Variants in SHISA9 observed in about 807,000 individuals in gnomAD.
SHISA9 encodes protein shisa-9.
In SHISA9, 13 loss-of-function variants were observed where a neutral mutation model predicts 38.0. That is an observed-to-expected ratio of 0.34 (90% CI 0.22 to 0.54). The LOEUF (loss-of-function observed/expected upper bound fraction) is 0.54. SHISA9 is among the 20% of genes least tolerant of loss of function. The pLI, the probability that SHISA9 is intolerant of heterozygous loss-of-function variation, is 0.91. For synonymous variants in SHISA9, 275 were observed against 242.0 expected (o/e 1.14, Z -1.27); for missense variants, 538 against 575.8 (o/e 0.93, Z 0.67).
intron 2 of SHISA9, among the ~76,000 whole-genome samples, chr16:13,037,093 C>CACACACACAGACAGACAG (rs1567190773): frequency 1.0e-4 from 4 of 38,704 alleles, no homozygotes; most frequent in African/African-American, 2.3e-4. Context: ...CCACACCACA[C>CACACACACAGACAGACAG]ACACACACAC....
chr16:13,059,757 G>A (rs1176568356), intron 2 of SHISA9, among the ~76,000 whole-genome samples: 3 of 152,098 alleles, frequency 2.0e-5, no homozygotes, highest in Admixed American at 6.5e-5. Context: ...GTTAGAATGA[G>A]GTCGTTAGGG....
At chr16:13,053,359 C>T (rs116319122) in intron 2 of SHISA9, among the ~76,000 whole-genome samples, 3,444 of 152,212 alleles carry the variant, frequency 0.023, 134 homozygotes, top group African/African-American at 0.079. Flanking sequence ...CTTTCATTTC[C>T]ATTACCTCCA....
At chr16:13,030,273 G>C (rs1046485664) in intron 2 of SHISA9, among the ~76,000 whole-genome samples, 2 of 152,122 alleles carry the variant, frequency 1.3e-5, no homozygotes, top group Non-Finnish European at 2.9e-5. Context: ...CTGACATGCT[G>C]CTCTCCTGTA....
the SHISA9 span, among the ~76,000 whole-genome samples, chr16:13,288,620 G>T: frequency 6.6e-6 from 1 of 151,904 alleles, no homozygotes; most frequent in Non-Finnish European, 1.5e-5. Flanking sequence ...ATGACAAAAC[G>T]CTGTCTCTAC....
At chr16:13,426,847 G>C in the SHISA9 span, among the ~76,000 whole-genome samples, 1 of 152,240 alleles carries the variant, frequency 6.6e-6, no homozygotes, top group African/African-American at 2.4e-5. Context: ...TCAGCTGCAA[G>C]TATCACCAAG....
chr16:13,419,354 G>A, the SHISA9 span, among the ~76,000 whole-genome samples: 5 of 152,110 alleles, frequency 3.3e-5, no homozygotes, highest in Admixed American at 2.0e-4. Context: ...TTTGGAAGGT[G>A]GTGCAATTAA....
the SHISA9 span, among the ~76,000 whole-genome samples, chr16:13,343,959 A>G: frequency 1.3e-5 from 2 of 152,288 alleles, no homozygotes; most frequent in Middle Eastern, 3.4e-3. Context: ...AAAATTAATC[A>G]TTGTTGTTAT....
At chr16:13,309,878 C>CTATTTATT in the SHISA9 span, among the ~76,000 whole-genome samples, 2,651 of 151,262 alleles carry the variant, frequency 0.018, 30 homozygotes, top group Non-Finnish European at 0.028. Context: ...ATTTACTTAT[C>CTATTTATT]TATTTATTTA....
the SHISA9 span, among the ~76,000 whole-genome samples, chr16:13,468,321 G>T: frequency 1.3e-5 from 2 of 152,178 alleles, no homozygotes; most frequent in African/African-American, 4.8e-5. Context: ...GAGGGGCAGG[G>T]AGATGAGGTT....
chr16:13,537,708 A>G, the SHISA9 span, among the ~76,000 whole-genome samples: 6 of 152,344 alleles, frequency 3.9e-5, no homozygotes, highest in Non-Finnish European at 8.8e-5. Flanking sequence ...CAAAATTCAT[A>G]AAACTATGCA....
chr16:13,327,767 G>A, the SHISA9 span, among the ~76,000 whole-genome samples: 3 of 151,638 alleles, frequency 2.0e-5, no homozygotes, highest in Non-Finnish European at 2.9e-5. Flanking sequence ...AGTGATTCTC[G>A]TGCCTCAGCC....
the SHISA9 span, among the ~76,000 whole-genome samples, chr16:13,266,490 AGCTAGCTTTGATGAGGG>A: frequency 6.6e-6 from 1 of 152,084 alleles, no homozygotes; most frequent in Non-Finnish European, 1.5e-5. Context: ...GGCTAGAGGG[AGCTAGCTTTGATGAGGG>A]CAATGTTGGT....
intron 3 of SHISA9, among the ~76,000 whole-genome samples, chr16:13,204,122 T>C (rs2051036341): frequency 6.8e-6 from 1 of 147,912 alleles, no homozygotes; most frequent in Admixed American, 6.9e-5. Flanking sequence ...TTATCTATCA[T>C]CTAACTACCT....
intron 2 of SHISA9, among the ~76,000 whole-genome samples, chr16:13,062,040 C>G (rs1022679206): frequency 1.6e-4 from 24 of 152,150 alleles, no homozygotes; most frequent in Non-Finnish European, 2.9e-4. Flanking sequence ...CAGTCAAGTT[C>G]CAGCTCCGAT....
At chr16:13,329,048 C>T in the SHISA9 span, among the ~76,000 whole-genome samples, 4 of 152,112 alleles carry the variant, frequency 2.6e-5, no homozygotes, top group African/African-American at 7.2e-5. Context: ...AAAATGGCGC[C>T]TCCATCTTCC....
the SHISA9 span, among the ~76,000 whole-genome samples, chr16:13,248,513 T>C: frequency 6.6e-6 from 1 of 152,360 alleles, no homozygotes; most frequent in Admixed American, 6.5e-5. Flanking sequence ...CTTCTAGTTA[T>C]GTGACCTTGG....
At chr16:12,939,157 C>G (rs1391022816) in intron 2 of SHISA9, among the ~76,000 whole-genome samples, 3 of 152,078 alleles carry the variant, frequency 2.0e-5, no homozygotes, top group Admixed American at 2.0e-4. Context: ...AATCTTGGCT[C>G]ACTGCAGCTT....
At chr16:13,179,402 C>G (rs1459803311) in intron 2 of SHISA9, among the ~76,000 whole-genome samples, 5 of 152,184 alleles carry the variant, frequency 3.3e-5, no homozygotes, top group African/African-American at 7.2e-5. Flanking sequence ...CTCTACATGC[C>G]TTATCTTATT....
At chr16:13,447,365 G>A in the SHISA9 span, among the ~76,000 whole-genome samples, 1 of 152,328 alleles carries the variant, frequency 6.6e-6, no homozygotes, top group Non-Finnish European at 1.5e-5. Context: ...CACATTCATA[G>A]TGTTCCAAGG....
Sources: allele counts gnomAD v4.1 joint callset (sites outside exome capture counted in the v4.1 genomes callset), GRCh38; gene constraint gnomAD v4.1.1; transcripts MANE v1.5; gene names NCBI Gene and HGNC (gene_info 2026-07-23, HGNC 2026-07-21).